Variants in NFIC observed in about 807,000 individuals in gnomAD.
NFIC encodes the protein nuclear factor 1 C-type.
A neutral mutation model predicts 54.4 loss-of-function variants in NFIC; 12 were observed. The observed-to-expected ratio is 0.22, with a 90% CI of 0.14 to 0.36. NFIC has a LOEUF of 0.36. Ranked by LOEUF, NFIC falls within the 10% of genes least tolerant of loss-of-function variation. The pLI is 1.00. For synonymous variants in NFIC, 322 were observed against 319.2 expected, an observed-to-expected ratio of 1.01 and a Z score of -0.09; for missense variants, 575 against 718.2, an observed-to-expected ratio of 0.80 and a Z score of 2.28.
At chr19:3,381,049 T>G (rs1470489098) in intron 1 of NFIC, among the ~76,000 whole-genome samples, 3 of 152,132 alleles carry the variant, frequency 2.0e-5, no homozygotes, top group East Asian at 3.9e-4. Context: ...TCCATGAGCC[T>G]CCACCTGGCC....
chr19:3,432,784 C>A (rs992041074), intron 3 of NFIC, among the ~76,000 whole-genome samples: 2 of 151,640 alleles, frequency 1.3e-5, no homozygotes, highest in Admixed American at 1.3e-4. Flanking sequence ...ACACCATTCT[C>A]CTGCCTCAGC....
chr19:3,443,468 C>T (rs1568188241), intron 6 of NFIC, among the ~76,000 whole-genome samples: 5 of 151,860 alleles, frequency 3.3e-5, no homozygotes, highest in Admixed American at 6.6e-5. Flanking sequence ...CTGCTCACAA[C>T]GGAATAAACT....
At chr19:3,429,930 G>A (rs183495695) in intron 3 of NFIC, among the ~76,000 whole-genome samples, 47 of 152,270 alleles carry the variant, frequency 3.1e-4, no homozygotes, top group African/African-American at 1.1e-3. Flanking sequence ...GTTGCCAGGC[G>A]CTGTTCTCGG....
At chr19:3,420,808 C>T (rs8111738) in intron 2 of NFIC, among the ~76,000 whole-genome samples, 137,648 of 151,754 alleles carry the variant, frequency 0.91, 62,512 homozygotes, top group East Asian at 0.93. Flanking sequence ...CTGCAAAATC[C>T]GCCTCCCGAG....
intron 2 of NFIC, among the ~76,000 whole-genome samples, chr19:3,408,893 C>G (rs1228234178): frequency 6.6e-6 from 1 of 152,072 alleles, no homozygotes; most frequent in Non-Finnish European, 1.5e-5. Flanking sequence ...TGACACCCGG[C>G]TAATTTTTAA....
chr19:3,443,903 T>C (rs997121851), intron 6 of NFIC, among the ~76,000 whole-genome samples: 2 of 152,186 alleles, frequency 1.3e-5, no homozygotes, highest in Non-Finnish European at 2.9e-5. Context: ...GTCACTGCTG[T>C]CCTCATCAGA....
chr19:3,459,990 C>T lies in NFIC; in HGVS notation c.1510-2762C>T, dbSNP rs2082616625. Among the ~76,000 whole-genome samples the T allele has an allele frequency of 6.6e-6, 1 of 152,212 alleles. No individual in the cohort carries two copies. Among genetic ancestry groups the T allele is most frequent in the East Asian group, 1.9e-4 (1 of 5,180 alleles). ...CCCCTCACAGTCCACCCTGGATGCT[C>T]CATCTGGGGTTGGAGTTTGCGTTTC... On this transcript the variant is annotated intron_variant, in intron 10 of 10. Transcript: ENST00000443272. This position sits in a 1 kb window ranked among gnomAD's most constrained non-coding sequence, Gnocchi z 4.2.
intron 2 of NFIC, among the ~76,000 whole-genome samples, chr19:3,412,266 G>T (rs1371938046): frequency 1.3e-5 from 2 of 151,724 alleles, no homozygotes; most frequent in African/African-American, 4.8e-5. Flanking sequence ...GATTTTTGTA[G>T]AGATGGGGTC....
At position 3,465,571 on chromosome 19, in the gene NFIC, G is replaced by C. The variant is rs1422158809; in HGVS notation, c.*2802G>C. On this transcript the variant is annotated 3_prime_UTR_variant, in exon 11 of 11. Coordinates refer to ENST00000443272, the MANE Select transcript of NFIC (RefSeq NM_001245002.2). ...CTGCTGTATTCAGGGGTGCCCCCTGGTGCTCAGCCTCTACCACCCCCAACC... is the reference window on the plus strand; with the variant it reads ...CTGCTGTATTCAGGGGTGCCCCCTGCTGCTCAGCCTCTACCACCCCCAACC... The C allele has an allele frequency of 6.6e-6, 1 of 152,060 alleles. No individual in the cohort carries two copies. The highest frequency in any genetic ancestry group is 6.5e-5 in the Admixed American group (1 of 15,270). 9.4% of individuals were successfully genotyped at this position (152,060 alleles called of 1,614,324 possible).
At chr19:3,409,233 C>A (rs926950736) in intron 2 of NFIC, among the ~76,000 whole-genome samples, 3 of 152,142 alleles carry the variant, frequency 2.0e-5, no homozygotes, top group Non-Finnish European at 1.5e-5. Flanking sequence ...CAACTTCATT[C>A]CTGCCCCGTG....
At chr19:3,435,289 C>G (rs542871194) in intron 6 of NFIC, 82 bp downstream of exon 6, 2 of 1,433,830 alleles carry the variant, frequency 1.4e-6, no homozygotes, top group East Asian at 2.6e-5. Flanking sequence ...AGCCACTGCG[C>G]GGGCGCCGCG....
rs777727186 is a variant in NFIC at position 3,452,101 on chromosome 19, C to CAAAA, written c.1085-362_1085-359dup. Among the ~76,000 whole-genome samples, 2 of 54,520 alleles carry CAAAA rather than the reference C, an allele frequency of 3.7e-5. No homozygotes were observed. Among genetic ancestry groups the CAAAA allele is most frequent in the African/African-American group, 5.6e-5 (1 of 17,860 alleles). 35.8% of individuals were successfully genotyped at this position (54,520 alleles called of 152,430 possible). A position where few individuals can be genotyped will look rare whatever the true frequency, so the allele number is the denominator to read the frequency against. ...TGCACTCCAGCCTGGGTGACTGTCTCAAAAAAAAAAAAAAAAAAAAAAGAC... is the reference window on the plus strand; with the variant it reads ...TGCACTCCAGCCTGGGTGACTGTCTCAAAAAAAAAAAAAAAAAAAAAAAAAAGAC... On this transcript the variant is annotated intron_variant, in intron 7 of 10. Transcript: ENST00000443272. This position sits in a 1 kb window ranked among gnomAD's most constrained non-coding sequence, Gnocchi z 5.3.
chr19:3,372,168 G>A (rs147227385), intron 1 of NFIC, among the ~76,000 whole-genome samples: 3,120 of 151,992 alleles, frequency 0.021, 105 homozygotes, highest in African/African-American at 0.071. Context: ...TTACAGGCAC[G>A]TGCCACCACG....
intron 1 of NFIC, 22 bp downstream of exon 1, chr19:3,366,688 C>T (rs1333709297): frequency 5.8e-6 from 8 of 1,386,172 alleles, no homozygotes; most frequent in Non-Finnish European, 7.5e-6. Context: ...GCCCGGCCCC[C>T]CGCCGGCGCC....
At position 3,409,232 on chromosome 19, in the gene NFIC, T is replaced by C. The variant is rs555915810; in HGVS notation, c.563-15874T>C. Among the ~76,000 whole-genome samples the C allele has an allele frequency of 1.3e-3, 202 of 152,142 alleles. 1 individual carries two copies. Among genetic ancestry groups the C allele is most frequent in the African/African-American group, 4.7e-3 (196 of 41,504 alleles). ...CTGCCTTTCACACATCCAACTTCATTCCTGCCCCGTGGACCTTGCCCTTGT... is the reference window on the plus strand; with the variant it reads ...CTGCCTTTCACACATCCAACTTCATCCCTGCCCCGTGGACCTTGCCCTTGT... On this transcript the variant is annotated intron_variant, in intron 2 of 10. Transcript: ENST00000443272.
intron 2 of NFIC, among the ~76,000 whole-genome samples, chr19:3,403,075 C>A (rs2081582435): frequency 6.6e-6 from 1 of 152,212 alleles, no homozygotes; most frequent in Non-Finnish European, 1.5e-5. Context: ...GCAACAAGTT[C>A]ATATTGGGTG....
At chr19:3,445,484 C>A (rs377098490) in intron 6 of NFIC, among the ~76,000 whole-genome samples, 30 of 152,298 alleles carry the variant, frequency 2.0e-4, no homozygotes, top group Middle Eastern at 6.8e-3. Context: ...CTTCCTGCCC[C>A]CCATGTGGGT....
intron 1 of NFIC, among the ~76,000 whole-genome samples, chr19:3,377,533 CT>C (rs1364074630): frequency 6.6e-6 from 1 of 151,994 alleles, no homozygotes; most frequent in African/African-American, 2.4e-5. Flanking sequence ...TTTTGCTTCT[CT>C]TTCTCTTCTT....
chr19:3,392,974 C>T (rs117345337), intron 2 of NFIC, among the ~76,000 whole-genome samples: 1,529 of 152,144 alleles, frequency 0.01, 17 homozygotes, highest in South Asian at 0.024. Context: ...GGAGTTTTGC[C>T]CTGTCGCCCA....
Sources: gnomAD v4.1 joint callset for allele counts (sites outside exome capture counted in the v4.1 genomes callset) on GRCh38, gnomAD v4.1.1 for gene constraint, Gnocchi (gnomAD v3.1) non-coding constraint, MANE v1.5 for transcripts, NCBI Gene and HGNC (gene_info 2026-07-23, HGNC 2026-07-21) for gene names.